The following SLAIN2 variants were observed in gnomAD, a reference collection of about 807,000 sequenced individuals.
The protein encoded by SLAIN2 is SLAIN motif-containing protein 2.
A neutral mutation model predicts 56.6 loss-of-function variants in SLAIN2; 31 were observed. The ratio of observed to expected loss-of-function variants is 0.55; its 90% CI spans 0.41 to 0.74. The LOEUF (loss-of-function observed/expected upper bound fraction) is 0.74, where lower values mean the gene tolerates loss of function less well. Among genes scored for constraint, SLAIN2 ranks in the 30% least tolerant of loss-of-function variants. SLAIN2 has a pLI of 0.00. For synonymous variants in SLAIN2, 317 were observed against 284.9 expected (o/e 1.11, Z -1.13); for missense variants, 777 against 754.2 (o/e 1.03, Z -0.35).
chr4:48,358,821 A>G (rs1420269138), intron 1 of SLAIN2, among the ~76,000 whole-genome samples: 1 of 151,876 alleles, frequency 6.6e-6, no homozygotes, highest in African/African-American at 2.4e-5. Flanking sequence ...CCCGGGTTCA[A>G]GCGATTCTTC....
intron 1 of SLAIN2, among the ~76,000 whole-genome samples, chr4:48,355,654 C>T (rs1422869978): frequency 6.6e-6 from 1 of 151,906 alleles, no homozygotes; most frequent in Non-Finnish European, 1.5e-5. Flanking sequence ...TACAGTATAC[C>T]CGTCTCTCTT....
chr4:48,362,220 T>A (rs947629906), intron 1 of SLAIN2, among the ~76,000 whole-genome samples: 3 of 152,080 alleles, frequency 2.0e-5, no homozygotes, highest in African/African-American at 7.2e-5. Flanking sequence ...TTGTTCCTAG[T>A]CTTAGGAGAA....
At chr4:48,386,637 A>G (rs1577725932) in intron 6 of SLAIN2, among the ~76,000 whole-genome samples, 1 of 152,204 alleles carries the variant, frequency 6.6e-6, no homozygotes, top group African/African-American at 2.4e-5. Flanking sequence ...TAGTACTCCA[A>G]GTCTTATTGT....
chr4:48,351,396 A>G (rs528199203), intron 1 of SLAIN2, among the ~76,000 whole-genome samples: 3 of 152,328 alleles, frequency 2.0e-5, no homozygotes, highest in South Asian at 2.1e-4. Flanking sequence ...TTGAATGCTT[A>G]TATCTTTTGA....
rs1325438800 is a variant in SLAIN2 at position 48,382,639 on chromosome 4, G to T, written c.934G>T (p.Gly312Cys). 6.2e-7 allele frequency: 1 copy of T among 1,613,460 alleles called. No homozygotes were observed. Among genetic ancestry groups the T allele is most frequent in the Non-Finnish European group, 8.5e-7 (1 of 1,179,570 alleles). The change falls in exon 5 of 8, where the codon GGT becomes TGT. Residue 312 changes from glycine to cysteine, a missense_variant. Physicochemically the swap from Gly to Cys is radical, Grantham distance 159. Transcript: ENST00000264313. ...SGSSCNSTRRGTFSDQELDAQ... is the reference protein window; with the variant it reads ...SGSSCNSTRRCTFSDQELDAQ... ...TTCATCTTGCAATTCTACAAGACGG[G>T]GTACTTTTAGTGATCAGGAACTTGA... is the stretch of plus-strand genomic sequence containing the variant.
At chr4:48,417,772 C>G (rs1361441103) in intron 6 of SLAIN2, among the ~76,000 whole-genome samples, 22 of 148,884 alleles carry the variant, frequency 1.5e-4, no homozygotes, top group African/African-American at 5.5e-4. Flanking sequence ...TCAATAGATG[C>G]AGAAAAAGCC....
intron 1 of SLAIN2, among the ~76,000 whole-genome samples, chr4:48,343,569 G>C (rs1487596542): frequency 6.6e-6 from 1 of 152,184 alleles, no homozygotes; most frequent in Non-Finnish European, 1.5e-5. Flanking sequence ...AAGAGTGATA[G>C]AACAAAGAGT....
chr4:48,364,835 C>T (rs1166116627), intron 1 of SLAIN2, among the ~76,000 whole-genome samples: 28 of 122,964 alleles, frequency 2.3e-4, no homozygotes, highest in South Asian at 1.0e-3. Context: ...GCTTCGGCTC[C>T]GCATGAGAGG....
intron 1 of SLAIN2, among the ~76,000 whole-genome samples, chr4:48,349,885 T>A (rs1714967265): frequency 2.0e-5 from 3 of 152,200 alleles, no homozygotes; most frequent in South Asian, 2.1e-4. Flanking sequence ...ACATTTTTGA[T>A]AGAATTGGAA....
rs544157309 is a variant in SLAIN2, at chr4:48,357,035, A to G, written c.390-12814A>G. ...GAAAATAGCTCTGTTCTAAAACTTT[A>G]TTAATGAGTTTGCCTTGCTAATAAT... On this transcript the variant is annotated intron_variant, in intron 1 of 7. Transcript: ENST00000264313. 3.2e-4 allele frequency among the ~76,000 whole-genome samples: 48 copies of G among 151,966 alleles called. 2 individuals carry two copies. In the South Asian group the frequency reaches 3.9e-3, roughly 12 times the overall value.
At chr4:48,364,310 G>T in intron 1 of SLAIN2, among the ~76,000 whole-genome samples, 1 of 96,508 alleles carries the variant, frequency 1.0e-5, no homozygotes, top group African/African-American at 3.7e-5. Flanking sequence ...TCACTTCCTA[G>T]ATGTGATGGC....
chr4:48,410,584 C>T (rs1229114182), intron 6 of SLAIN2, among the ~76,000 whole-genome samples: 2 of 152,190 alleles, frequency 1.3e-5, no homozygotes, highest in African/African-American at 2.4e-5. Context: ...CTTTCCCCTT[C>T]GGTACTTGGA....
chr4:48,365,279 G>T (rs1043632366), intron 1 of SLAIN2, among the ~76,000 whole-genome samples: 1 of 151,446 alleles, frequency 6.6e-6, no homozygotes, highest in Non-Finnish European at 1.5e-5. Flanking sequence ...GACCAGCCTG[G>T]CCAACATGGT....
Position 48,383,700 on chromosome 4 carries a change from G to C in SLAIN2, c.1276G>C (p.Asp426His), listed in dbSNP as rs1458281848. ...GTCCCGAACATCTAATACACAAGTT[G>C]ACTCAGTGAAAAGCAGCAGAAGTGA... ...NLSRTSNTQV[D>H]SVKSSRSDSN... The change falls in exon 6 of 8, where the codon GAC (aspartate) becomes CAC (histidine). Residue 426 changes from aspartate to histidine, a missense_variant. Transcript: ENST00000264313. 3 of 1,610,260 alleles carry C rather than the reference G, an allele frequency of 1.9e-6. No individual in the cohort carries two copies. Among genetic ancestry groups the C allele is most frequent in the Non-Finnish European group, 2.5e-6 (3 of 1,177,792 alleles).
At chr4:48,389,848 A>G (rs1716191365) in intron 6 of SLAIN2, among the ~76,000 whole-genome samples, 1 of 152,144 alleles carries the variant, frequency 6.6e-6, no homozygotes, top group African/African-American at 2.4e-5. Context: ...AAAATATCAT[A>G]GGAGTTTGAA....
At chr4:48,398,665 T>C (rs1277422579) in intron 6 of SLAIN2, among the ~76,000 whole-genome samples, 1 of 152,212 alleles carries the variant, frequency 6.6e-6, no homozygotes. Flanking sequence ...CTTGAGTAAA[T>C]TTTTTATAAG....
intron 1 of SLAIN2, among the ~76,000 whole-genome samples, chr4:48,363,389 G>C: frequency 1.2e-5 from 1 of 81,960 alleles, no homozygotes; most frequent in African/African-American, 4.1e-5. Flanking sequence ...CCGGGCGGGG[G>C]GGCTGACCCC....
intron 1 of SLAIN2, among the ~76,000 whole-genome samples, chr4:48,362,732 CTT>C (rs397716685): frequency 1.9e-4 from 22 of 116,408 alleles, no homozygotes; most frequent in Non-Finnish European, 2.2e-4. Context: ...TTTTAAATTT[CTT>C]TTTTTTTTTT....
At chr4:48,369,501 T>C (rs7655066) in intron 1 of SLAIN2, among the ~76,000 whole-genome samples, 45,761 of 152,018 alleles carry the variant, frequency 0.3, 7,104 homozygotes, top group South Asian at 0.48. Flanking sequence ...TTTAGCTCCT[T>C]CTTCTGCTTC....
Sources: gnomAD v4.1 joint callset for allele counts (sites outside exome capture counted in the v4.1 genomes callset) on GRCh38, gnomAD v4.1.1 for gene constraint, MANE v1.5 for transcripts, NCBI Gene and HGNC (gene_info 2026-07-23, HGNC 2026-07-21) for gene names.